GOLGA8A: variants seen among roughly 807,000 people sequenced by gnomAD.
GOLGA8A encodes the protein golgin subfamily A member 8A.
In GOLGA8A, 3 loss-of-function variants were observed where a neutral mutation model predicts 22.1. That is an observed-to-expected ratio of 0.14 (90% CI 0.06 to 0.35). The LOEUF is 0.35. Ranked by LOEUF, GOLGA8A falls within the 10% of genes least tolerant of loss-of-function variation. The pLI is 1.00. For missense variants in GOLGA8A, 16 were observed against 233.2 expected (o/e 0.07, Z 6.07); for synonymous variants, 7 against 91.7 (o/e 0.08, Z 5.28).
At chr15:34,434,476 G>A (rs538943506) in intron 2 of GOLGA8A, among the ~76,000 whole-genome samples, 4 of 149,326 alleles carry the variant, frequency 2.7e-5, no homozygotes, top group African/African-American at 7.4e-5. Flanking sequence ...TCTGGACAGG[G>A]AGAGAGGGGA....
Position 34,381,247 on chromosome 15 carries a change from C to G in GOLGA8A, c.*164G>C, listed in dbSNP as rs145037938. 86 of 1,104,256 alleles carry G rather than the reference C, an allele frequency of 7.8e-5. No individual in the cohort carries two copies. The South Asian group carries it at 1.2e-3, about 15-fold the overall frequency. 68.4% of individuals were successfully genotyped at this position (1,104,256 alleles called of 1,614,324 possible). On this transcript the variant is annotated 3_prime_UTR_variant, in exon 25 of 25. Transcript: ENST00000359187. ...AGTGAGAGCCACAGAGACCCACTCT[C>G]TTTTAACTTTTTACAAATAAACTTA...
rs1319657433 is a variant in GOLGA8A, at chr15:34,432,615, T to C, written c.-1123+2768A>G. Among the ~76,000 whole-genome samples, 10 of 149,524 alleles carry C rather than the reference T, an allele frequency of 6.7e-5. 1 individual carries two copies. The highest frequency in any genetic ancestry group is 1.3e-4 in the Non-Finnish European group (9 of 67,272). Reference sequence around the variant, plus strand: ...CCCGATGATGTGTGTTTCATTCCAGTGGTTTCGCCATCAAAACCATCTTTA... The same window carrying C: ...CCCGATGATGTGTGTTTCATTCCAGCGGTTTCGCCATCAAAACCATCTTTA... On this transcript the variant is annotated intron_variant, in intron 2 of 24. Transcript: ENST00000359187.
Position 34,386,744 on chromosome 15 carries a change from TG to T in GOLGA8A, c.169-4del. 1 of 1,567,672 alleles carries T rather than the reference TG, an allele frequency of 6.4e-7. No individual in the cohort carries two copies. Among genetic ancestry groups the T allele is most frequent in the Non-Finnish European group, 8.6e-7 (1 of 1,157,830 alleles). ...AGAGAGGAGGAGGCGGAGGAGGACT[TG>T]GGGGAGAGGTAGAGAGAACGATCAT... On this transcript the variant is annotated splice_polypyrimidine_tract_variant and splice_region_variant and intron_variant, in intron 11 of 24. Coordinates refer to ENST00000359187, the MANE Select transcript of GOLGA8A (RefSeq NM_181077.5).
At position 34,380,891 on chromosome 15, in the gene GOLGA8A, C is replaced by T. The variant is rs3169220; in HGVS notation, c.*520G>A. On this transcript the variant is annotated 3_prime_UTR_variant, in exon 25 of 25. Transcript: ENST00000359187. ...AAACAGCTCTAAATGTCAGTACTCA[C>T]AGTGGCATATTACAAAGTAATAAAC... 2,021 of 217,120 alleles carry T rather than the reference C, an allele frequency of 9.3e-3. 44 individuals are homozygous for T. Among genetic ancestry groups the T allele is most frequent in the African/African-American group, 0.043 (1,798 of 42,134 alleles). The allele number at this position is 217,120 out of a possible 1,614,324, so 13.4% of individuals were successfully genotyped here.
rs368388717 is a variant in GOLGA8A, at chr15:34,381,631, C to G, written c.1610-18G>C. The G allele has an allele frequency of 7.6e-7, 1 of 1,324,116 alleles. No homozygotes were observed. The highest frequency in any genetic ancestry group is 1.9e-5 in the Admixed American group (1 of 53,896). 82.0% of individuals were successfully genotyped at this position (1,324,116 alleles called of 1,614,324 possible). On this transcript the variant is annotated intron_variant, in intron 24 of 24. Transcript: ENST00000359187. ...ACAAAGATCTTTGGAGAGAGGGAGG[C>G]GGGGATCTGAGTGGAGTGCTAGCCG...
intron 2 of GOLGA8A, among the ~76,000 whole-genome samples, chr15:34,421,872 G>T (rs1755750731): frequency 7.2e-6 from 1 of 138,250 alleles, no homozygotes; most frequent in Non-Finnish European, 1.6e-5. Context: ...CCTCAGGAAA[G>T]TCAGGTGTCC....
chr15:34,425,816 A>G (rs1283944047), intron 2 of GOLGA8A, among the ~76,000 whole-genome samples: 1 of 146,674 alleles, frequency 6.8e-6, no homozygotes, highest in Non-Finnish European at 1.5e-5. Flanking sequence ...AATTAGTAGT[A>G]AGCACAGAAG....
At chr15:34,431,323 A>ATC (rs1351290533) in intron 2 of GOLGA8A, among the ~76,000 whole-genome samples, 2 of 16,900 alleles carry the variant, frequency 1.2e-4, no homozygotes, top group Admixed American at 7.2e-4. Flanking sequence ...ATATATATAT[A>ATC]TATATATATA....
intron 2 of GOLGA8A, among the ~76,000 whole-genome samples, chr15:34,423,543 T>G (rs1308572494): frequency 6.7e-6 from 1 of 148,574 alleles, no homozygotes; most frequent in Non-Finnish European, 1.5e-5. Flanking sequence ...TCCCTACCAC[T>G]TGTCACAAGG....
At chr15:34,421,516 C>T (rs1308635640) in intron 2 of GOLGA8A, among the ~76,000 whole-genome samples, 2 of 140,592 alleles carry the variant, frequency 1.4e-5, no homozygotes, top group African/African-American at 5.4e-5. Context: ...CACCAAGAAT[C>T]CTAAAAGTTA....
intron 1 of GOLGA8A, among the ~76,000 whole-genome samples, chr15:34,436,858 TTTTGAG>T (rs1177261718): frequency 6.7e-6 from 1 of 149,722 alleles, no homozygotes; most frequent in African/African-American, 2.5e-5. Flanking sequence ...GGTGTGGGGT[TTTTGAG>T]TTTTTCCCTC....
intron 7 of GOLGA8A, among the ~76,000 whole-genome samples, 182 bp from the exon 8 acceptor site, chr15:34,398,911 C>CA (rs1471047606): frequency 2.3e-5 from 3 of 128,732 alleles, no homozygotes; most frequent in Non-Finnish European, 5.3e-5. Context: ...ACGGATGTTG[C>CA]AAGTGGCCTA....
At position 34,379,849 on chromosome 15, in the gene GOLGA8A, T is replaced by C. The variant is rs113102306; in HGVS notation, c.*1562A>G. The C allele has an allele frequency of 0.03, 4,618 of 152,236 alleles. 92 individuals are homozygous for C. Among genetic ancestry groups the C allele is most frequent in the Middle Eastern group, 0.065 (19 of 294 alleles). 9.4% of individuals were successfully genotyped at this position (152,236 alleles called of 1,614,324 possible). A position where few individuals can be genotyped will look rare whatever the true frequency, so the allele number is the denominator to read the frequency against. On this transcript the variant is annotated 3_prime_UTR_variant, in exon 25 of 25. Coordinates refer to ENST00000359187, the MANE Select transcript of GOLGA8A (RefSeq NM_181077.5). The stretch of plus-strand genomic sequence containing the variant: ...ATGATTGAAATGCATTCATTCATCA[T>C]GCATAGGCACAATCACAGAAATATT...
chr15:34,432,092 A>T (rs1156593159), intron 2 of GOLGA8A, among the ~76,000 whole-genome samples: 1 of 149,308 alleles, frequency 6.7e-6, no homozygotes, highest in East Asian at 2.0e-4. Flanking sequence ...AGGGACAAGA[A>T]GTGCTAAGAA....
chr15:34,431,325 A>G (rs1450653688), intron 2 of GOLGA8A, among the ~76,000 whole-genome samples: 1 of 27,154 alleles, frequency 3.7e-5, no homozygotes, highest in African/African-American at 1.1e-4. Context: ...ATATATATAT[A>G]TATATATATA....
rs1219468453 is a variant in GOLGA8A at position 34,379,265 on chromosome 15, T to A, written c.*2146A>T. 6.5e-6 allele frequency: 1 copy of A among 152,674 alleles called. No individual in the cohort carries two copies. Among genetic ancestry groups the A allele is most frequent in the Non-Finnish European group, 1.5e-5 (1 of 68,052 alleles). 9.5% of individuals were successfully genotyped at this position (152,674 alleles called of 1,614,324 possible). On this transcript the variant is annotated 3_prime_UTR_variant, in exon 25 of 25. Coordinates refer to ENST00000359187, the MANE Select transcript of GOLGA8A (RefSeq NM_181077.5). ...TTGGCATTTCTTTCTCTACTTTTCC[T>A]TCCCACCATTTCTTCCTTTTAAACT... is the stretch of plus-strand genomic sequence containing the variant.
intron 2 of GOLGA8A, among the ~76,000 whole-genome samples, chr15:34,420,635 G>A (rs1892760770): frequency 7.5e-6 from 1 of 132,506 alleles, no homozygotes; most frequent in African/African-American, 2.8e-5. Flanking sequence ...AAGAACCTGA[G>A]TTTCTTTCTG....
At chr15:34,424,933 C>G (rs1474416963) in intron 2 of GOLGA8A, among the ~76,000 whole-genome samples, 2 of 141,164 alleles carry the variant, frequency 1.4e-5, no homozygotes, top group African/African-American at 2.7e-5. Flanking sequence ...AACCCCACCT[C>G]TACAAAAAAC....
At chr15:34,412,022 G>GC (rs1892448297) in intron 2 of GOLGA8A, among the ~76,000 whole-genome samples, 1 of 21,288 alleles carries the variant, frequency 4.7e-5, no homozygotes, top group Non-Finnish European at 7.7e-5. Flanking sequence ...GTCTGGTCCT[G>GC]GGTTTTTTTT....
Sources: gnomAD v4.1 joint callset for allele counts (sites outside exome capture counted in the v4.1 genomes callset) on GRCh38, gnomAD v4.1.1 for gene constraint, MANE v1.5 for transcripts, NCBI Gene and HGNC (gene_info 2026-07-23, HGNC 2026-07-21) for gene names.